RELN: variants seen among roughly 807,000 people sequenced by gnomAD.
The protein encoded by RELN is reelin.
A neutral mutation model predicts 427.6 loss-of-function variants in RELN; 108 were observed. The ratio of observed to expected loss-of-function variants is 0.25; its 90% CI spans 0.22 to 0.30. The LOEUF (loss-of-function observed/expected upper bound fraction) is 0.30. RELN is among the 10% of genes least tolerant of loss of function. The pLI is 1.00. For synonymous variants in RELN, 1,524 were observed against 1,513.4 expected (o/e 1.01, Z -0.16); for missense variants, 3,715 against 4,302.8 (o/e 0.86, Z 3.82).
At chr7:103,974,729 T>C (rs561085965) in intron 1 of RELN, among the ~76,000 whole-genome samples, 85 of 152,198 alleles carry the variant, frequency 5.6e-4, no homozygotes, top group Non-Finnish European at 9.7e-4. Context: ...TTTTTGTGTG[T>C]TTTCTATAAG....
At chr7:103,680,504 T>C (rs1031201769) in intron 11 of RELN, among the ~76,000 whole-genome samples, 4 of 151,870 alleles carry the variant, frequency 2.6e-5, no homozygotes, top group Non-Finnish European at 5.9e-5. Context: ...GGGAGTCGAA[T>C]TGGTCTTTTT....
At chr7:103,551,942 T>TGC (rs149642033) in intron 40 of RELN, among the ~76,000 whole-genome samples, 9,846 of 150,540 alleles carry the variant, frequency 0.065, 397 homozygotes, top group African/African-American at 0.12. Context: ...TGTGTGGGTG[T>TGC]GTGTGTGTGT....
Position 103,717,542 on chromosome 7 carries a change from A to T in RELN, c.805+5598T>A, listed in dbSNP as rs1164482885. 2.0e-5 allele frequency among the ~76,000 whole-genome samples: 3 copies of T among 151,998 alleles called. No homozygotes were observed. The East Asian group carries it at 5.8e-4, about 29-fold the overall frequency. ...ATCTGGAAATTAAGTCTTAAATCTT[A>T]GTTGAATACATTTATATCCAAGAAT... On this transcript the variant is annotated intron_variant, in intron 8 of 64. Transcript: ENST00000428762.
At chr7:103,662,502 G>T (rs1215506033) in intron 11 of RELN, among the ~76,000 whole-genome samples, 1 of 151,786 alleles carries the variant, frequency 6.6e-6, no homozygotes, top group Non-Finnish European at 1.5e-5. Context: ...CATGGCTGTA[G>T]TCCCAGCTAC....
At chr7:103,490,856 A>G in intron 58 of RELN, 27 bp from the exon 59 acceptor site, 1 of 1,613,202 alleles carries the variant, frequency 6.2e-7, no homozygotes, top group Non-Finnish European at 8.5e-7. Context: ...GCTTTGTTAG[A>G]CAAATTGTAA....
intron 7 of RELN, among the ~76,000 whole-genome samples, chr7:103,725,756 T>C (rs552214179): frequency 6.6e-6 from 1 of 152,228 alleles, no homozygotes; most frequent in South Asian, 2.1e-4. Flanking sequence ...TACAGAGACT[T>C]CACTGGGTTA....
chr7:103,481,465 T>A lies in RELN; in HGVS notation c.10280+1408A>T, dbSNP rs186783963. Reference sequence around the variant, plus strand: ...TGAAAGATAAGAAGTGGTTATTGACTCTCATTTTATTATCTACCAGTTTAT... The same window carrying A: ...TGAAAGATAAGAAGTGGTTATTGACACTCATTTTATTATCTACCAGTTTAT... On this transcript the variant is annotated intron_variant, in intron 63 of 64. Coordinates refer to ENST00000428762, the MANE Select transcript of RELN (RefSeq NM_005045.4). Among the ~76,000 whole-genome samples the A allele has an allele frequency of 5.5e-4, 84 of 152,250 alleles. 1 individual carries two copies. Among genetic ancestry groups the A allele is most frequent in the African/African-American group, 2.0e-3 (83 of 41,546 alleles).
intron 1 of RELN, among the ~76,000 whole-genome samples, chr7:103,966,149 T>C (rs1267581216): frequency 6.6e-6 from 1 of 152,196 alleles, no homozygotes; most frequent in African/African-American, 2.4e-5. Context: ...ATGCTTATAA[T>C]ATTAAACACC....
intron 20 of RELN, among the ~76,000 whole-genome samples, chr7:103,621,498 A>C (rs1416867816): frequency 6.6e-6 from 1 of 152,150 alleles, no homozygotes; most frequent in Non-Finnish European, 1.5e-5. Flanking sequence ...GCCCAAAAGG[A>C]GTAATGGAAG....
At chr7:103,549,091 A>G (rs1302761260) in intron 41 of RELN, among the ~76,000 whole-genome samples, 3 of 152,072 alleles carry the variant, frequency 2.0e-5, no homozygotes, top group African/African-American at 7.2e-5. Context: ...GTTTGTCCAT[A>G]ATACCATAAG....
rs139945641 is a variant in RELN at position 103,565,373 on chromosome 7, G to C, written c.5115C>G (p.Thr1705=). The part of the protein sequence containing the change: ...HLVTEECVPP[T]IGCLHYTESS... Reference sequence around the variant, plus strand: ...TTTCCGTGTAATGCAGACAGCCAATGGTTGGAGGAACACACTCTTCGGTGA... The same window carrying C: ...TTTCCGTGTAATGCAGACAGCCAATCGTTGGAGGAACACACTCTTCGGTGA... Residue 1705 remains threonine (T), a synonymous_variant, in exon 34 of 65, where the codon ACC becomes ACG. Coordinates refer to ENST00000428762, the MANE Select transcript of RELN (RefSeq NM_005045.4). The C allele has an allele frequency of 1.8e-5, 29 of 1,613,980 alleles. No individual in the cohort carries two copies. The highest frequency in any genetic ancestry group is 1.0e-5 in the Non-Finnish European group (12 of 1,179,982).
intron 38 of RELN, 77 bp downstream of exon 38, chr7:103,556,900 T>C: frequency 8.2e-7 from 1 of 1,221,680 alleles, no homozygotes; most frequent in Non-Finnish European, 1.2e-6. Context: ...TGACAAACAC[T>C]TCCTCCACAC....
At chr7:103,692,985 G>T (rs1833902819) in intron 10 of RELN, among the ~76,000 whole-genome samples, 2 of 152,136 alleles carry the variant, frequency 1.3e-5, no homozygotes, top group African/African-American at 4.8e-5. Flanking sequence ...ATGTGAGTGA[G>T]ATTTTCTGAG....
intron 1 of RELN, among the ~76,000 whole-genome samples, chr7:103,966,015 A>G (rs1048923466): frequency 6.6e-6 from 1 of 152,204 alleles, no homozygotes; most frequent in Admixed American, 6.5e-5. Context: ...TTAGAAACTG[A>G]GTCTTTAAAC....
rs138527951 is a variant in RELN at position 103,655,768 on chromosome 7, C to G, written c.1442-1563G>C. 3.9e-3 allele frequency among the ~76,000 whole-genome samples: 587 copies of G among 152,158 alleles called. 6 individuals are homozygous for G. Among genetic ancestry groups the G allele is most frequent in the African/African-American group, 0.014 (570 of 41,516 alleles). On this transcript the variant is annotated intron_variant, in intron 12 of 64. Coordinates refer to ENST00000428762, the MANE Select transcript of RELN (RefSeq NM_005045.4). ...TAGGAATAGAGAAGTCCTTAATGAC[C>G]AAGGCAAATCTTGAGGATTCATTTG...
At chr7:103,875,396 G>A (rs1041548483) in intron 2 of RELN, among the ~76,000 whole-genome samples, 1 of 152,010 alleles carries the variant, frequency 6.6e-6, no homozygotes, top group African/African-American at 2.4e-5. Context: ...CACAGCAAAA[G>A]AAACTACCAT....
intron 36 of RELN, among the ~76,000 whole-genome samples, chr7:103,560,872 T>C (rs1830626619): frequency 6.6e-6 from 1 of 152,206 alleles, no homozygotes. Flanking sequence ...TAGATGTTAA[T>C]CATTAGGGCT....
intron 1 of RELN, among the ~76,000 whole-genome samples, chr7:103,985,577 T>C (rs1007461645): frequency 6.6e-6 from 1 of 152,170 alleles, no homozygotes; most frequent in Non-Finnish European, 1.5e-5. Context: ...AGTCTTTCTA[T>C]CCCCATATCT....
rs1325768886 is a variant in RELN at position 103,620,534 on chromosome 7, C to T, written c.2703-8731G>A. ...GTCGCCCAGGCTGGAGTAACAGTGG[C>T]ACGATCTTGGCTCACTGCAGCCTCT... On this transcript the variant is annotated intron_variant, in intron 20 of 64. Transcript: ENST00000428762. The surrounding 1 kb of genome is among the most constrained non-coding windows in gnomAD (Gnocchi z 4.1). 1.3e-5 allele frequency among the ~76,000 whole-genome samples: 2 copies of T among 150,228 alleles called. No individual in the cohort carries two copies. Among genetic ancestry groups the T allele is most frequent in the Non-Finnish European group, 2.9e-5 (2 of 67,820 alleles).
Sources: gnomAD v4.1 joint callset for allele counts (sites outside exome capture counted in the v4.1 genomes callset) on GRCh38, gnomAD v4.1.1 for gene constraint, Gnocchi (gnomAD v3.1) non-coding constraint, MANE v1.5 for transcripts, NCBI Gene and HGNC (gene_info 2026-07-23, HGNC 2026-07-21) for gene names.